KIF7: variants seen among roughly 807,000 people sequenced by gnomAD.
The protein encoded by KIF7 is kinesin-like protein KIF7.
KIF7 carries 104 observed loss-of-function variants against 135.7 expected under a neutral mutation model. That is an observed-to-expected ratio of 0.77 (90% CI 0.65 to 0.90). The LOEUF (loss-of-function observed/expected upper bound fraction) is 0.90, where lower values mean the gene tolerates loss of function less well. Ranked by LOEUF, KIF7 falls within the 40% of genes least tolerant of loss-of-function variation. The probability of loss-of-function intolerance (pLI) is 0.00; values close to 1 mark genes in which losing one functional copy is unlikely to be tolerated. For missense variants in KIF7, 2,005 were observed against 1,839.1 expected, an observed-to-expected ratio of 1.09 and a Z score of -1.65; for synonymous variants, 883 against 809.4, an observed-to-expected ratio of 1.09 and a Z score of -1.54.
intron 7 of KIF7, among the ~76,000 whole-genome samples, chr15:89,646,378 T>C (rs1964013300): frequency 6.6e-6 from 1 of 152,154 alleles, no homozygotes; most frequent in Non-Finnish European, 1.5e-5. Context: ...AGAGCTGAGA[T>C]GACCCAGGCC....
At chr15:89,625,134 C>T, downstream of KIF7, 18 of 1,613,902 alleles carry the variant, frequency 1.1e-5, no homozygotes, top group Non-Finnish European at 1.4e-5. Context: ...TCAGCATGCC[C>T]AGGGCCAGCA....
the KIF7 span, among the ~76,000 whole-genome samples, chr15:89,661,825 G>A: frequency 2.6e-5 from 4 of 151,718 alleles, no homozygotes; most frequent in African/African-American, 7.3e-5. Context: ...GGTTTCAAGC[G>A]ATTCTCCTGC....
chr15:89,628,694 G>C lies in KIF7; in HGVS notation c.3757C>G (p.Pro1253Ala), dbSNP rs1378851545. The stretch of plus-strand genomic sequence containing the variant: ...GTGCGGGGGGCCCCCTCAGTGAGGG[G>C]GGACAGCCAGAGAAGCTCGGGTGCC... ...HLAPELLWLS[P>A]LTEGAPRTRE... Residue 1253 changes from proline to alanine, a missense_variant, in exon 19 of 19, where the codon CCC (proline) becomes GCC (alanine). Transcript: ENST00000394412. The C allele has an allele frequency of 6.2e-7, 1 of 1,613,080 alleles. No homozygotes were observed. The highest frequency in any genetic ancestry group is 2.2e-5 in the East Asian group (1 of 44,840).
rs201211373 is a variant in KIF7, at chr15:89,645,471, G to A, written c.1923-20C>T. 2.5e-6 allele frequency: 4 copies of A among 1,581,846 alleles called. No homozygotes were observed. Among genetic ancestry groups the A allele is most frequent in the South Asian group, 1.1e-5 (1 of 88,728 alleles). ...CTATTTCTGGAGGACAGAAGCAGGA[G>A]GCCATGCTCCTCCCCAGCCCCTGCC... On this transcript the variant is annotated intron_variant, in intron 8 of 18. Coordinates refer to ENST00000394412, the MANE Select transcript of KIF7 (RefSeq NM_198525.3).
rs558106454 is a variant in KIF7 at position 89,628,458 on chromosome 15, G to C, written c.3993C>G (p.Ala1331=). The C allele has an allele frequency of 6.2e-7, 1 of 1,609,230 alleles. No individual in the cohort carries two copies. Among genetic ancestry groups the C allele is most frequent in the South Asian group, 1.1e-5 (1 of 90,858 alleles). Residue 1331 remains alanine, a synonymous_variant, in exon 19 of 19, where the codon GCC becomes GCG. Transcript: ENST00000394412. ...LSKPRRELRR[A]SPGMIDVRKN... ...TCCGGACATCAATCATCCCCGGGCT[G>C]GCTCGTCGCAGTTCCCGCCGGGGCT...
chr15:89,630,228 G>A (rs1472783192), intron 16 of KIF7, 59 bp downstream of exon 16: 2 of 1,517,062 alleles, frequency 1.3e-6, no homozygotes, highest in Admixed American at 3.4e-5. Context: ...GCTGCCATGA[G>A]ACACCTCCCC....
chr15:89,619,663 G>T, intron 1 of KIF7: 1 of 1,569,792 alleles, frequency 6.4e-7, no homozygotes, highest in Non-Finnish European at 8.6e-7. Flanking sequence ...AAAATGTCAA[G>T]CTTGTAGTTG....
At chr15:89,649,424 G>A (rs1040756863) in intron 3 of KIF7, 57 bp from the exon 4 acceptor site, 1 of 1,437,684 alleles carries the variant, frequency 7.0e-7, no homozygotes, top group Admixed American at 2.9e-5. Flanking sequence ...TGACCAGCCA[G>A]GAGGGCAGGC....
At chr15:89,650,095 G>A (rs1964101192) in intron 2 of KIF7, 154 bp from the exon 3 acceptor site, 2 of 733,000 alleles carry the variant, frequency 2.7e-6, no homozygotes, top group Admixed American at 4.4e-5. Context: ...GGTGGCCTGA[G>A]CTTGGCCATG....
At chr15:89,626,085 AC>A, downstream of KIF7, 2 of 1,609,770 alleles carry the variant, frequency 1.2e-6, no homozygotes, top group Non-Finnish European at 1.7e-6. Flanking sequence ...AAGGTCTAGG[AC>A]CCTTTCCTGT....
At position 89,652,823 on chromosome 15, in the gene KIF7, G is replaced by C. The variant is rs1280702414; in HGVS notation, c.108C>G (p.Ser36Arg). The change falls in exon 2 of 19, where the codon AGC becomes AGG. Residue 36 changes from serine (S) to arginine (R), a missense_variant. Coordinates refer to ENST00000394412, the MANE Select transcript of KIF7 (RefSeq NM_198525.3). ...LPKELLHGHQSCLQVEPGLGR... is the reference protein window; with the variant it reads ...LPKELLHGHQRCLQVEPGLGR... Reference sequence around the variant, plus strand: ...CAAGCCCTGGCTCCACCTGCAGGCAGCTCTGATGCCCGTGCAGCAGCTCCT... The same window carrying C: ...CAAGCCCTGGCTCCACCTGCAGGCACCTCTGATGCCCGTGCAGCAGCTCCT... 6.4e-7 allele frequency: 1 copy of C among 1,550,478 alleles called. No homozygotes were observed. The highest frequency in any genetic ancestry group is 8.7e-7 in the Non-Finnish European group (1 of 1,146,778).
At chr15:89,649,487 T>A in intron 3 of KIF7, 120 bp from the exon 4 acceptor site, 1 of 1,202,190 alleles carries the variant, frequency 8.3e-7, no homozygotes, top group Non-Finnish European at 1.1e-6. Context: ...TCCCTCCCCA[T>A]GCCCACGGGG....
At chr15:89,619,218 C>CTTT (rs1444853735) in intron 1 of KIF7, among the ~76,000 whole-genome samples, 1 of 91,870 alleles carries the variant, frequency 1.1e-5, no homozygotes, top group African/African-American at 4.3e-5. Context: ...CTACACCATT[C>CTTT]TTCTTTTTTT....
At chr15:89,625,832 C>G (rs751429025), downstream of KIF7, 27 of 1,561,832 alleles carry the variant, frequency 1.7e-5, no homozygotes, top group East Asian at 2.2e-5. Context: ...TTCTTTTGGT[C>G]AGAGTGCTTG....
intron 2 of KIF7, 64 bp from the exon 3 acceptor site, chr15:89,650,005 G>A (rs752804350): frequency 2.3e-5 from 35 of 1,493,654 alleles, no homozygotes; most frequent in Non-Finnish European, 3.2e-5. Context: ...CCCCAGGCCC[G>A]GAAGCTCATA....
intron 3 of KIF7, 64 bp from the exon 4 acceptor site, chr15:89,649,431 A>G: frequency 7.0e-7 from 1 of 1,431,742 alleles, no homozygotes. Flanking sequence ...CCAGGAGGGC[A>G]GGCAGAGCAG....
intron 17 of KIF7, 47 bp downstream of exon 17, chr15:89,629,328 G>C (rs1210291507): frequency 7.5e-7 from 1 of 1,339,946 alleles, no homozygotes; most frequent in East Asian, 2.8e-5. Flanking sequence ...TGGGGGTGGG[G>C]GGGATGGAGG....
At chr15:89,646,706 G>T (rs1181412683) in intron 7 of KIF7, 124 bp downstream of exon 7, 4 of 883,536 alleles carry the variant, frequency 4.5e-6, no homozygotes, top group African/African-American at 3.3e-5. Flanking sequence ...GCAGCCTCTC[G>T]CATCTCACAG....
rs1158051861 is a variant in KIF7, at chr15:89,629,478, C to A, written c.3414G>T (p.Leu1138=). Residue 1138 remains leucine (L), a synonymous_variant, in exon 17 of 19, where the codon CTG becomes CTT. Transcript: ENST00000394412. ...GGCGCTGCCGCTCCAGGGCCACCTC[C>A]AGCCAGTACACCAGCCTCTGCTGCT... ...LEEQQRLVYW[L]EVALERQRLE... is the part of the protein sequence containing the mutation. 1 of 1,611,278 alleles carries A rather than the reference C, an allele frequency of 6.2e-7. No individual in the cohort carries two copies. The highest frequency in any genetic ancestry group is 1.7e-5 in the Admixed American group (1 of 60,024).
Sources: allele counts gnomAD v4.1 joint callset (sites outside exome capture counted in the v4.1 genomes callset), GRCh38; gene constraint gnomAD v4.1.1; transcripts MANE v1.5; gene names NCBI Gene and HGNC (gene_info 2026-07-23, HGNC 2026-07-21).